Variants in WBP1L observed in about 807,000 individuals in gnomAD.
The protein encoded by WBP1L is WW domain binding protein 1-like.
Under a neutral mutation model 33.7 loss-of-function variants are expected in WBP1L, and 17 were observed. The ratio of observed to expected loss-of-function variants is 0.50; its 90% CI spans 0.34 to 0.76. WBP1L has a LOEUF of 0.76. WBP1L is among the 30% of genes least tolerant of loss of function. The probability of loss-of-function intolerance (pLI) is 0.01; values close to 1 mark genes in which losing one functional copy is unlikely to be tolerated. For missense variants in WBP1L, 389 were observed against 469.4 expected, an observed-to-expected ratio of 0.83 and a Z score of 1.58; for synonymous variants, 173 against 190.8, an observed-to-expected ratio of 0.91 and a Z score of 0.77.
intron 1 of WBP1L, among the ~76,000 whole-genome samples, chr10:102,790,575 A>G (rs1030766766): frequency 5.9e-5 from 9 of 152,062 alleles, no homozygotes; most frequent in East Asian, 5.8e-4. Context: ...CAATGGTGCA[A>G]TCTCGGCTCA....
rs1332699754 is a variant in WBP1L at position 102,812,763 on chromosome 10, A to T, written c.524A>T (p.Gln175Leu). The T allele has an allele frequency of 1.2e-6, 2 of 1,613,314 alleles. No homozygotes were observed. Among genetic ancestry groups the T allele is most frequent in the South Asian group, 2.2e-5 (2 of 91,004 alleles). Residue 175 changes from glutamine (Q) to leucine (L), a missense_variant, in exon 4 of 4, where the codon CAG becomes CTG. By Grantham distance (113) the Gln-to-Leu change is moderately radical. Coordinates refer to ENST00000448841, the MANE Select transcript of WBP1L (RefSeq NM_001083913.2). ...GGCATCGATCCCACCAGGGGATCCC[A>T]GGGGGCACAGAGCAGCCCCTTGTCT... ...PPGIDPTRGS[Q>L]GAQSSPLSEP... is the part of the protein sequence containing the mutation.
chr10:102,802,455 C>T (rs2432580), intron 2 of WBP1L, among the ~76,000 whole-genome samples: 22,643 of 151,182 alleles, frequency 0.15, 2,175 homozygotes, highest in Admixed American at 0.23. Flanking sequence ...ATTGAATTTC[C>T]AGTGCCAAGA....
At chr10:102,781,935 G>A (rs1312575769) in intron 1 of WBP1L, among the ~76,000 whole-genome samples, 7 of 151,952 alleles carry the variant, frequency 4.6e-5, no homozygotes, top group African/African-American at 9.7e-5. Flanking sequence ...GTGCAGTGGC[G>A]CCATCTTGGC....
intron 1 of WBP1L, among the ~76,000 whole-genome samples, chr10:102,759,404 A>G (rs963866385): frequency 6.6e-6 from 1 of 152,226 alleles, no homozygotes; most frequent in African/African-American, 2.4e-5. Context: ...ATAATGATTG[A>G]TAATTGTCCA....
chr10:102,749,269 AT>A (rs1309772742), intron 1 of WBP1L, among the ~76,000 whole-genome samples: 1 of 152,034 alleles, frequency 6.6e-6, no homozygotes, highest in Non-Finnish European at 1.5e-5. Context: ...ACATATTTTT[AT>A]TTTTTAGAGA....
At chr10:102,773,982 T>C (rs761444491) in intron 1 of WBP1L, among the ~76,000 whole-genome samples, 3 of 152,188 alleles carry the variant, frequency 2.0e-5, no homozygotes, top group Non-Finnish European at 4.4e-5. Flanking sequence ...CCTGGCACAC[T>C]GTAGGCATTC....
chr10:102,786,101 G>A (rs1049352201), intron 1 of WBP1L, among the ~76,000 whole-genome samples: 1 of 152,222 alleles, frequency 6.6e-6, no homozygotes, highest in Admixed American at 6.5e-5. Context: ...TTTGCTGGCT[G>A]CTCTGTTTGG....
At chr10:102,794,132 TC>T (rs2134055655) in intron 1 of WBP1L, among the ~76,000 whole-genome samples, 1 of 121,170 alleles carries the variant, frequency 8.3e-6, no homozygotes, top group Non-Finnish European at 1.8e-5. Context: ...GGTGTTTGAG[TC>T]CTAGGTGTGC....
rs764902656 is a variant in WBP1L at position 102,813,051 on chromosome 10, C to T, written c.812C>T (p.Ser271Leu). Reference sequence around the variant, plus strand: ...AGACATCGCCGCTTCACAGGTGACTCGGGCATTGAAGTGTGTGTGTGCAAC... The same window carrying T: ...AGACATCGCCGCTTCACAGGTGACTTGGGCATTGAAGTGTGTGTGTGCAAC... Reference protein sequence around the residue: ...PGRHRRFTGDSGIEVCVCNRG... With the variant: ...PGRHRRFTGDLGIEVCVCNRG... Residue 271 changes from serine to leucine, a missense_variant, in exon 4 of 4, where the codon TCG becomes TTG. By Grantham distance (145) the Ser-to-Leu change is moderately radical. Coordinates refer to ENST00000448841, the MANE Select transcript of WBP1L (RefSeq NM_001083913.2). The T allele has an allele frequency of 1.9e-6, 3 of 1,613,740 alleles. No individual in the cohort carries two copies. Among genetic ancestry groups the T allele is most frequent in the East Asian group, 2.2e-5 (1 of 44,882 alleles).
chr10:102,809,919 A>T lies in WBP1L; in HGVS notation c.220A>T (p.Ile74Phe). ...WWFWLVWTII[I>F]ILSCCCVCHH... is the part of the protein sequence containing the mutation. ...GTTCTGGCTGGTGTGGACCATCATC[A>T]TCATCCTGAGCTGCTGCTGTGTTTG... The change falls in exon 3 of 4, where the codon ATC becomes TTC. Residue 74 changes from isoleucine (I) to phenylalanine (F), a missense_variant. Transcript: ENST00000448841. 6.2e-7 allele frequency: 1 copy of T among 1,613,466 alleles called. No homozygotes were observed. Among genetic ancestry groups the T allele is most frequent in the South Asian group, 1.1e-5 (1 of 91,048 alleles).
At chr10:102,782,537 C>T (rs1843353841) in intron 1 of WBP1L, among the ~76,000 whole-genome samples, 1 of 151,742 alleles carries the variant, frequency 6.6e-6, no homozygotes, top group Non-Finnish European at 1.5e-5. Context: ...TAGTAAGATA[C>T]TAGTTTCTTA....
intron 1 of WBP1L, among the ~76,000 whole-genome samples, chr10:102,778,278 G>T (rs531122227): frequency 6.6e-6 from 1 of 152,364 alleles, no homozygotes; most frequent in South Asian, 2.1e-4. Context: ...CTGGGCAGGA[G>T]CCCACAGCCA....
intron 1 of WBP1L, among the ~76,000 whole-genome samples, chr10:102,770,784 C>G (rs972184405): frequency 6.6e-6 from 1 of 152,312 alleles, no homozygotes; most frequent in Non-Finnish European, 1.5e-5. Flanking sequence ...GGTTCCAGAG[C>G]GCTGACCAGG....
At chr10:102,803,171 T>C (rs1016946294) in intron 2 of WBP1L, among the ~76,000 whole-genome samples, 19 of 152,270 alleles carry the variant, frequency 1.2e-4, no homozygotes, top group South Asian at 4.1e-4. Flanking sequence ...AAGTTGCGAG[T>C]CTCTGACGTC....
At chr10:102,812,488 G>T in intron 3 of WBP1L, 107 bp from the exon 4 acceptor site, 1 of 1,317,266 alleles carries the variant, frequency 7.6e-7, no homozygotes, top group East Asian at 2.5e-5. Context: ...CACTTGTTGG[G>T]TGCTCTGGGG....
chr10:102,807,015 G>A (rs946466834), intron 2 of WBP1L, among the ~76,000 whole-genome samples: 2 of 152,140 alleles, frequency 1.3e-5, no homozygotes, highest in Middle Eastern at 3.4e-3. Flanking sequence ...TTTAAACAAG[G>A]TTAACTTGAT....
intron 1 of WBP1L, among the ~76,000 whole-genome samples, chr10:102,749,528 G>C (rs975595482): frequency 2.0e-5 from 3 of 151,782 alleles, no homozygotes; most frequent in Middle Eastern, 3.4e-3. Context: ...GCCCAGGTGG[G>C]TCTAGAACTC....
intron 1 of WBP1L, among the ~76,000 whole-genome samples, chr10:102,791,755 G>T (rs1290485757): frequency 6.6e-6 from 1 of 152,194 alleles, no homozygotes; most frequent in Non-Finnish European, 1.5e-5. Flanking sequence ...TCCCAGGAAG[G>T]ACTTCAATTC....
At chr10:102,782,214 C>CTTTTT (rs397961661) in intron 1 of WBP1L, among the ~76,000 whole-genome samples, 1,244 of 49,080 alleles carry the variant, frequency 0.025, 105 homozygotes, top group African/African-American at 0.04. Flanking sequence ...AAAGAAGCTG[C>CTTTTT]TTTTTTTTTT....
Sources: gnomAD v4.1 joint callset for allele counts (sites outside exome capture counted in the v4.1 genomes callset) on GRCh38, gnomAD v4.1.1 for gene constraint, MANE v1.5 for transcripts, NCBI Gene and HGNC (gene_info 2026-07-23, HGNC 2026-07-21) for gene names.